Variants in VRK2 observed in about 807,000 individuals in gnomAD.
VRK2 encodes the protein VRK serine/threonine kinase 2.
Under a neutral mutation model 57.6 loss-of-function variants are expected in VRK2, and 60 were observed. The ratio of observed to expected loss-of-function variants is 1.04; its 90% CI spans 0.85 to 1.29. VRK2 has a LOEUF of 1.29. VRK2 is among the 50% of genes most tolerant of loss of function. VRK2 has a pLI of 0.00. For synonymous variants in VRK2, 231 were observed against 199.2 expected, an observed-to-expected ratio of 1.16 and a Z score of -1.35; for missense variants, 705 against 588.1, an observed-to-expected ratio of 1.20 and a Z score of -2.06.
chr2:58,034,875 T>C (rs1674227353), intron 3 of VRK2, among the ~76,000 whole-genome samples: 1 of 151,996 alleles, frequency 6.6e-6, no homozygotes, highest in South Asian at 2.1e-4. Context: ...GGTGGTTCAC[T>C]CTTGGATTCA....
chr2:57,931,533 T>A (rs941974852), intron 1 of VRK2, among the ~76,000 whole-genome samples: 2 of 152,220 alleles, frequency 1.3e-5, no homozygotes, highest in Non-Finnish European at 1.5e-5. Flanking sequence ...ATATCAGGTA[T>A]ACGGTTTGCA....
In VRK2 at chr2:58,089,627, AC is replaced by A; in HGVS notation, c.451-3del. 2.6e-6 allele frequency: 4 copies of A among 1,555,098 alleles called. 1 individual carries two copies. In the South Asian group the frequency reaches 4.7e-5, roughly 18 times the overall value. On this transcript the variant is annotated splice_polypyrimidine_tract_variant and splice_region_variant and intron_variant, in intron 6 of 12. Coordinates refer to ENST00000340157, the MANE Select transcript of VRK2 (RefSeq NM_006296.7). ...AACCTTATTTTATCTATTTATTTTCACAGTTGGATGTACTGGAATATATACA... is the reference window on the plus strand; with the variant it reads ...AACCTTATTTTATCTATTTATTTTCAAGTTGGATGTACTGGAATATATACA...
chr2:58,049,745 T>C (rs984357720), intron 2 of VRK2, among the ~76,000 whole-genome samples: 3 of 152,172 alleles, frequency 2.0e-5, no homozygotes, highest in Non-Finnish European at 4.4e-5. Flanking sequence ...ATCACATCTA[T>C]TTCTATAGGA....
Position 58,084,525 on chromosome 2 carries a change from A to T in VRK2, c.187-356A>T, listed in dbSNP as rs184648103. Among the ~76,000 whole-genome samples, 6 of 152,002 alleles carry T rather than the reference A, an allele frequency of 3.9e-5. No individual in the cohort carries two copies. The East Asian group carries it at 1.2e-3, about 29-fold the overall frequency. On this transcript the variant is annotated intron_variant, in intron 3 of 12. Coordinates refer to ENST00000340157, the MANE Select transcript of VRK2 (RefSeq NM_006296.7). The stretch of plus-strand genomic sequence containing the variant: ...AAGGTATCATGTGTGAGTGGACCAC[A>T]AGGAGAGTTTGCTGTGTATCACCTG...
At chr2:58,104,667 C>G (rs1674488299) in intron 7 of VRK2, among the ~76,000 whole-genome samples, 1 of 151,820 alleles carries the variant, frequency 6.6e-6, no homozygotes, top group Non-Finnish European at 1.5e-5. Flanking sequence ...CAATCTCTAT[C>G]CAAATACAAG....
intron 2 of VRK2, among the ~76,000 whole-genome samples, chr2:58,069,769 C>T (rs1298894408): frequency 6.6e-6 from 1 of 152,124 alleles, no homozygotes; most frequent in Non-Finnish European, 1.5e-5. Flanking sequence ...TTTCTGCACT[C>T]TCCGACTTAG....
intron 1 of VRK2, among the ~76,000 whole-genome samples, chr2:58,015,226 C>T (rs1673544494): frequency 6.6e-6 from 1 of 152,138 alleles, no homozygotes; most frequent in African/African-American, 2.4e-5. Flanking sequence ...CATCATTTTT[C>T]ATCTTAGGTT....
chr2:58,077,855 AT>A (rs1670343436), intron 2 of VRK2, among the ~76,000 whole-genome samples: 1 of 152,102 alleles, frequency 6.6e-6, no homozygotes, highest in Non-Finnish European at 1.5e-5. Context: ...TTGTCTAAGT[AT>A]TGTTAACTCC....
At chr2:58,126,101 G>C (rs1294663207) in intron 8 of VRK2, among the ~76,000 whole-genome samples, 1 of 150,482 alleles carries the variant, frequency 6.6e-6, no homozygotes, top group Non-Finnish European at 1.5e-5. Context: ...CCAACTATGA[G>C]ATCAAATACT....
chr2:58,038,063 G>A (rs985668782), intron 3 of VRK2, among the ~76,000 whole-genome samples: 1 of 152,016 alleles, frequency 6.6e-6, no homozygotes, highest in Non-Finnish European at 1.5e-5. Flanking sequence ...AGGATGATTT[G>A]GAGCTGAAAG....
At chr2:57,937,479 C>G (rs1020483096) in intron 1 of VRK2, among the ~76,000 whole-genome samples, 1 of 152,094 alleles carries the variant, frequency 6.6e-6, no homozygotes. Flanking sequence ...TAAAGAATTA[C>G]GATTCTTGTT....
At chr2:58,114,636 C>A (rs1210710114) in intron 7 of VRK2, among the ~76,000 whole-genome samples, 1 of 151,934 alleles carries the variant, frequency 6.6e-6, no homozygotes, top group African/African-American at 2.4e-5. Context: ...TTTAAAAGAC[C>A]TTTAGTCCGT....
At chr2:58,032,431 G>T (rs1285092768) in intron 2 of VRK2, among the ~76,000 whole-genome samples, 1 of 152,016 alleles carries the variant, frequency 6.6e-6, no homozygotes, top group Non-Finnish European at 1.5e-5. Flanking sequence ...TCCTTCCGTG[G>T]CAGAAAAGGG....
intron 1 of VRK2, among the ~76,000 whole-genome samples, chr2:57,943,394 T>C (rs1343877998): frequency 6.6e-6 from 1 of 152,228 alleles, no homozygotes; most frequent in African/African-American, 2.4e-5. Context: ...CAGGAGTAAA[T>C]TTTAGATTTA....
intron 1 of VRK2, among the ~76,000 whole-genome samples, chr2:57,921,901 G>A (rs977852867): frequency 1.3e-5 from 2 of 151,958 alleles, no homozygotes; most frequent in Non-Finnish European, 1.5e-5. Flanking sequence ...ACATTTTCCT[G>A]TACTGAACTG....
At chr2:58,031,326 CAGA>C (rs1268202056) in intron 2 of VRK2, among the ~76,000 whole-genome samples, 2 of 151,918 alleles carry the variant, frequency 1.3e-5, no homozygotes, top group African/African-American at 4.8e-5. Flanking sequence ...TTATGAAAAT[CAGA>C]AGAAGAGAGG....
intron 1 of VRK2, among the ~76,000 whole-genome samples, chr2:58,022,936 T>A (rs1673808104): frequency 6.6e-6 from 1 of 152,200 alleles, no homozygotes; most frequent in Non-Finnish European, 1.5e-5. Flanking sequence ...TCAAGAGATA[T>A]TTTTAAATAA....
chr2:58,129,526 T>A (rs9973345), intron 8 of VRK2, among the ~76,000 whole-genome samples: 9,336 of 152,032 alleles, frequency 0.061, 959 homozygotes, highest in African/African-American at 0.21. Flanking sequence ...TAAAAAAAAA[T>A]TTTTATAGTT....
rs978450237 is a variant in VRK2, at chr2:58,105,639, CT to C, written c.543+15926del. On this transcript the variant is annotated intron_variant, in intron 7 of 12. Coordinates refer to ENST00000340157, the MANE Select transcript of VRK2 (RefSeq NM_006296.7). Reference sequence around the variant, plus strand: ...TGCTTCACAAACTGTTACATATAGGCTTTTTTTTTTCAGTTAGTGTGGGAAA... The same window carrying C: ...TGCTTCACAAACTGTTACATATAGGCTTTTTTTTTCAGTTAGTGTGGGAAA... 1.4e-3 allele frequency among the ~76,000 whole-genome samples: 208 copies of C among 147,060 alleles called. 1 individual carries two copies. Among genetic ancestry groups the C allele is most frequent in the Non-Finnish European group, 2.5e-3 (165 of 66,134 alleles).
Sources: allele counts gnomAD v4.1 joint callset (sites outside exome capture counted in the v4.1 genomes callset), GRCh38; gene constraint gnomAD v4.1.1; transcripts MANE v1.5; gene names NCBI Gene and HGNC (gene_info 2026-07-23, HGNC 2026-07-21).